Variants in RBFOX1 observed in about 807,000 individuals in gnomAD.
The protein encoded by RBFOX1 is RNA binding protein fox-1 homolog 1.
RBFOX1 carries 8 observed loss-of-function variants against 57.7 expected under a neutral mutation model. The ratio of observed to expected loss-of-function variants is 0.14; its 90% confidence interval spans 0.08 to 0.25. RBFOX1 has a LOEUF of 0.25. Among genes scored for constraint, RBFOX1 ranks in the 10% least tolerant of loss-of-function variants. The probability of loss-of-function intolerance (pLI) is 1.00; values close to 1 mark genes in which losing one functional copy is unlikely to be tolerated. For missense variants in RBFOX1, 611 were observed against 548.5 expected, an observed-to-expected ratio of 1.11 and a Z score of -1.14; for synonymous variants, 326 against 222.4, an observed-to-expected ratio of 1.47 and a Z score of -4.15.
intron 4 of RBFOX1, among the ~76,000 whole-genome samples, chr16:7,271,490 G>A (rs1167600123): frequency 6.6e-6 from 1 of 151,666 alleles, no homozygotes; most frequent in East Asian, 1.9e-4. Flanking sequence ...TGTATCACTT[G>A]GTTGATCTTG....
intron 4 of RBFOX1, among the ~76,000 whole-genome samples, chr16:7,321,216 C>T (rs1214642111): frequency 6.6e-6 from 1 of 152,062 alleles, no homozygotes; most frequent in South Asian, 2.1e-4. Context: ...GCGATCTCAT[C>T]TCACTGCAAC....
intron 4 of RBFOX1, among the ~76,000 whole-genome samples, chr16:7,468,420 C>T (rs1458501109): frequency 6.6e-6 from 1 of 150,952 alleles, no homozygotes; most frequent in Admixed American, 6.6e-5. Context: ...GCTACTTGCA[C>T]TCAACATGCC....
intron 1 of RBFOX1, among the ~76,000 whole-genome samples, chr16:6,186,020 A>G (rs549890579): frequency 1.3e-5 from 2 of 152,244 alleles, no homozygotes; most frequent in East Asian, 1.9e-4. Context: ...TTATTTCTCT[A>G]TTCTCCTTGG....
At position 5,471,773 on chromosome 16, in the gene RBFOX1, C is replaced by G. The variant is rs151015520; in HGVS notation, c.258+4519C>G. 6.7e-3 allele frequency among the ~76,000 whole-genome samples: 1,022 copies of G among 152,286 alleles called. 14 individuals are homozygous for G. Among genetic ancestry groups the G allele is most frequent in the African/African-American group, 0.024 (979 of 41,566 alleles). ...CTGACCTTTTTAAATGGATAAATCT[C>G]CTTGGCAGCGGTATATTTCTAGAGT... On this transcript the variant is annotated intron_variant, in intron 2 of 2. Coordinates refer to the RBFOX1 transcript ENST00000585867.
At chr16:7,383,733 C>A (rs537055278) in intron 4 of RBFOX1, among the ~76,000 whole-genome samples, 3 of 152,242 alleles carry the variant, frequency 2.0e-5, no homozygotes, top group African/African-American at 7.2e-5. Flanking sequence ...GTATTCAGAT[C>A]CAAGTTACAT....
chr16:7,651,528 C>T (rs1387781592), intron 11 of RBFOX1, among the ~76,000 whole-genome samples: 1 of 152,220 alleles, frequency 6.6e-6, no homozygotes, highest in Non-Finnish European at 1.5e-5. Context: ...CTGCAACCCT[C>T]ACCTGGGTCC....
intron 3 of RBFOX1, among the ~76,000 whole-genome samples, chr16:6,850,632 T>C (rs928929904): frequency 5.3e-5 from 8 of 152,236 alleles, no homozygotes; most frequent in African/African-American, 1.9e-4. Context: ...ACTCCTAATG[T>C]CATTCTTTTG....
intron 1 of RBFOX1, among the ~76,000 whole-genome samples, chr16:6,176,719 C>G (rs1019159555): frequency 6.6e-6 from 1 of 151,306 alleles, no homozygotes; most frequent in Admixed American, 6.6e-5. Context: ...CCAATCTGAC[C>G]AAGATATTGT....
chr16:5,796,326 G>C lies in RBFOX1; in HGVS notation c.319-70977G>C, dbSNP rs1012922117. On this transcript the variant is annotated intron_variant, in intron 3 of 19. Coordinates refer to the RBFOX1 transcript ENST00000641259. ...ATGGGAAAGAGGCAGTTTTTGCCAA[G>C]CTATGGCCACGAGCAAGGAATCAGG... Among the ~76,000 whole-genome samples the C allele has an allele frequency of 9.9e-5, 15 of 152,170 alleles. 1 individual carries two copies. The highest frequency in any genetic ancestry group is 9.2e-4 in the Admixed American group (14 of 15,280).
At chr16:6,413,074 C>G (rs2093513323) in intron 2 of RBFOX1, among the ~76,000 whole-genome samples, 1 of 152,192 alleles carries the variant, frequency 6.6e-6, no homozygotes, top group African/African-American at 2.4e-5. Context: ...AATCCCAGCA[C>G]TTTGGGAGGC....
chr16:5,653,314 G>A (rs1280399474), intron 3 of RBFOX1, among the ~76,000 whole-genome samples: 2 of 151,682 alleles, frequency 1.3e-5, no homozygotes, highest in Admixed American at 6.6e-5. Flanking sequence ...TGCAGAAGGT[G>A]GGGTGCTGAG....
intron 2 of RBFOX1, among the ~76,000 whole-genome samples, chr16:6,415,298 AC>A (rs2093593140): frequency 6.6e-6 from 1 of 151,644 alleles, no homozygotes; most frequent in Non-Finnish European, 1.5e-5. Context: ...CTACAGTGTA[AC>A]AGGGTACTAG....
rs184777007 is a variant in RBFOX1 at position 5,748,974 on chromosome 16, T to G, written c.319-118329T>G. ...CAGTTTCTTCTTAGCCTTGATGGTC[T>G]TTACAATTTGGCATGTTTTTGCAGT... On this transcript the variant is annotated intron_variant, in intron 3 of 19. Coordinates refer to the RBFOX1 transcript ENST00000641259. Among the ~76,000 whole-genome samples the G allele has an allele frequency of 2.8e-3, 429 of 152,352 alleles. 1 individual carries two copies. The highest frequency in any genetic ancestry group is 1.0e-2 in the African/African-American group (415 of 41,576).
chr16:5,294,445 A>G (rs762603821), intron 1 of RBFOX1, among the ~76,000 whole-genome samples: 12 of 152,112 alleles, frequency 7.9e-5, no homozygotes, highest in South Asian at 4.1e-4. Flanking sequence ...TAGCCTGCCT[A>G]TGCCTTTCTG....
Position 6,019,880 on chromosome 16 carries a change from C to T in RBFOX1, c.-239C>T, listed in dbSNP as rs1393502704. 3.3e-6 allele frequency: 5 copies of T among 1,534,942 alleles called. No individual in the cohort carries two copies. The highest frequency in any genetic ancestry group is 4.9e-5 in the East Asian group (2 of 40,830). The stretch of plus-strand genomic sequence containing the variant: ...ACAGTGCGTGAGAAACCAGCACCCC[C>T]TTCCGCCGCCTCCAGCTTATGGTGA... On this transcript the variant is annotated 5_prime_UTR_variant, in exon 1 of 16. Coordinates refer to ENST00000550418, the MANE Select transcript of RBFOX1 (RefSeq NM_018723.4). This position sits in a 1 kb window ranked among gnomAD's most constrained non-coding sequence, Gnocchi z 4.2.
intron 3 of RBFOX1, among the ~76,000 whole-genome samples, chr16:6,675,837 A>G (rs576519349): frequency 8.5e-5 from 13 of 152,206 alleles, no homozygotes; most frequent in Admixed American, 2.6e-4. Flanking sequence ...CCCTCCCACA[A>G]CAAATGGGAA....
At chr16:6,083,246 G>T (rs1291520817) in intron 1 of RBFOX1, among the ~76,000 whole-genome samples, 1 of 152,088 alleles carries the variant, frequency 6.6e-6, no homozygotes, top group Non-Finnish European at 1.5e-5. Context: ...GAAGTGATCT[G>T]CCCGCCTCGG....
chr16:5,389,646 C>T (rs1464768630), intron 1 of RBFOX1, among the ~76,000 whole-genome samples: 3 of 151,626 alleles, frequency 2.0e-5, no homozygotes, highest in Non-Finnish European at 4.4e-5. Flanking sequence ...TCTTTCCATC[C>T]TTTTTTGCTG....
chr16:7,412,909 G>A (rs2098443400), intron 4 of RBFOX1, among the ~76,000 whole-genome samples: 2 of 152,242 alleles, frequency 1.3e-5, no homozygotes, highest in Admixed American at 1.3e-4. Context: ...AGGCGCCATG[G>A]TGGGCGCCTG....
Sources: allele counts gnomAD v4.1 joint callset (sites outside exome capture counted in the v4.1 genomes callset), GRCh38; gene constraint gnomAD v4.1.1; non-coding constraint Gnocchi (gnomAD v3.1); transcripts MANE v1.5; gene names NCBI Gene and HGNC (gene_info 2026-07-23, HGNC 2026-07-21).